The following CREB5 variants were observed in gnomAD, a reference collection of about 807,000 sequenced individuals.
CREB5 encodes the protein cyclic AMP-responsive element-binding protein 5.
In CREB5, 19 loss-of-function variants were observed where a neutral mutation model predicts 57.1. The observed-to-expected ratio is 0.33, with a 90% CI of 0.23 to 0.49. CREB5 has a LOEUF of 0.49. Among genes scored for constraint, CREB5 ranks in the 20% least tolerant of loss-of-function variants. The pLI, the probability that CREB5 is intolerant of heterozygous loss-of-function variation, is 0.99. For missense variants in CREB5, 579 were observed against 671.6 expected, an observed-to-expected ratio of 0.86 and a Z score of 1.52; for synonymous variants, 238 against 238.3, an observed-to-expected ratio of 1.00 and a Z score of 0.01.
chr7:28,325,953 A>G (rs1037853941), intron 1 of CREB5, among the ~76,000 whole-genome samples: 9 of 152,144 alleles, frequency 5.9e-5, no homozygotes, highest in Non-Finnish European at 7.4e-5. Context: ...TTCTTTGAGT[A>G]CTTTATTATA....
chr7:28,552,866 C>T (rs185416344), intron 4 of CREB5, among the ~76,000 whole-genome samples: 24 of 152,342 alleles, frequency 1.6e-4, no homozygotes, highest in African/African-American at 1.4e-4. Context: ...ATGTTTCTTA[C>T]ACATTAGATT....
At position 28,440,474 on chromosome 7, in the gene CREB5, C is replaced by T. The variant is rs141905792; in HGVS notation, c.3+27557C>T. Among the ~76,000 whole-genome samples the T allele has an allele frequency of 2.9e-3, 435 of 152,278 alleles. 3 individuals are homozygous for T. Among genetic ancestry groups the T allele is most frequent in the African/African-American group, 9.8e-3 (406 of 41,556 alleles). On this transcript the variant is annotated intron_variant, in intron 1 of 10. Coordinates refer to ENST00000357727, the MANE Select transcript of CREB5 (RefSeq NM_182898.4). ...GCTGGAAGCCACTGCAGTGGTACCG[C>T]CAGTTGCATGATATATTGCAGCCTT...
At chr7:28,348,864 C>T (rs1171195805) in intron 1 of CREB5, among the ~76,000 whole-genome samples, 1 of 152,194 alleles carries the variant, frequency 6.6e-6, no homozygotes, top group Non-Finnish European at 1.5e-5. Flanking sequence ...TCAGGCCTGG[C>T]TCACCAGGCA....
chr7:28,306,609 G>A (rs527533009), intron 1 of CREB5, among the ~76,000 whole-genome samples: 1 of 122,836 alleles, frequency 8.1e-6, no homozygotes, highest in South Asian at 2.8e-4. Flanking sequence ...CGCCCAGGCT[G>A]GAGTGCAGTG....
intron 1 of CREB5, among the ~76,000 whole-genome samples, chr7:28,316,001 C>A (rs1176542549): frequency 6.6e-6 from 1 of 152,156 alleles, no homozygotes; most frequent in Non-Finnish European, 1.5e-5. Context: ...AGTTTTTCGG[C>A]AAGTGCTGTA....
intron 1 of CREB5, among the ~76,000 whole-genome samples, chr7:28,322,854 A>G (rs1426634301): frequency 6.6e-6 from 1 of 152,162 alleles, no homozygotes; most frequent in African/African-American, 2.4e-5. Flanking sequence ...TGTATCCAAA[A>G]TGAATTTTTA....
At chr7:28,795,647 T>TATCA (rs1807986651) in intron 7 of CREB5, among the ~76,000 whole-genome samples, 1 of 152,244 alleles carries the variant, frequency 6.6e-6, no homozygotes, top group African/African-American at 2.4e-5. Context: ...AAGAGTTCTC[T>TATCA]ATCAGCCCGC....
At chr7:28,384,465 A>G (rs1787038757) in intron 1 of CREB5, among the ~76,000 whole-genome samples, 1 of 152,110 alleles carries the variant, frequency 6.6e-6, no homozygotes, top group African/African-American at 2.4e-5. Context: ...TATGCTTCCA[A>G]TGAGGTTCCC....
intron 5 of CREB5, among the ~76,000 whole-genome samples, chr7:28,702,132 G>C (rs952749916): frequency 6.6e-6 from 1 of 152,128 alleles, no homozygotes; most frequent in South Asian, 2.1e-4. Context: ...TCCTTATAAG[G>C]AATAGCAGTC....
chr7:28,460,452 A>C (rs1228585597), intron 1 of CREB5, among the ~76,000 whole-genome samples: 1 of 152,214 alleles, frequency 6.6e-6, no homozygotes, highest in Non-Finnish European at 1.5e-5. Context: ...ACCCCTGATT[A>C]TATACCTGGT....
At chr7:28,705,367 A>AT (rs1459242172) in intron 5 of CREB5, among the ~76,000 whole-genome samples, 1 of 106,544 alleles carries the variant, frequency 9.4e-6, no homozygotes, top group African/African-American at 3.6e-5. Flanking sequence ...TCTGACTCAA[A>AT]AAAAAAAAAA....
At chr7:28,801,840 T>C (rs1583778178) in intron 7 of CREB5, among the ~76,000 whole-genome samples, 1 of 151,612 alleles carries the variant, frequency 6.6e-6, no homozygotes, top group Non-Finnish European at 1.5e-5. Context: ...TAATCCCAGC[T>C]CTTTGGGAGG....
At chr7:28,329,977 CT>C (rs1427474040) in intron 1 of CREB5, among the ~76,000 whole-genome samples, 4 of 152,180 alleles carry the variant, frequency 2.6e-5, no homozygotes, top group African/African-American at 9.7e-5. Flanking sequence ...TTTGAAACAC[CT>C]TTCCCACCAG....
At chr7:28,817,541 C>G (rs910887969) in intron 9 of CREB5, among the ~76,000 whole-genome samples, 1 of 152,196 alleles carries the variant, frequency 6.6e-6, no homozygotes. Flanking sequence ...TAATTCTGCC[C>G]AATGTGCGCC....
At position 28,696,821 on chromosome 7, in the gene CREB5, C is replaced by T. The variant is rs182732734; in HGVS notation, c.465-21932C>T. On this transcript the variant is annotated intron_variant, in intron 5 of 10. Coordinates refer to ENST00000357727, the MANE Select transcript of CREB5 (RefSeq NM_182898.4). The stretch of plus-strand genomic sequence containing the variant: ...ATACGTATATATACACATACGTATA[C>T]GTATACATACACATACGTATATATA... Among the ~76,000 whole-genome samples, 36 of 150,594 alleles carry T rather than the reference C, an allele frequency of 2.4e-4. 1 individual carries two copies. The highest frequency in any genetic ancestry group is 1.7e-3 in the Admixed American group (26 of 15,190).
intron 1 of CREB5, among the ~76,000 whole-genome samples, chr7:28,487,536 C>A (rs1302673756): frequency 1.3e-5 from 2 of 152,218 alleles, no homozygotes; most frequent in Admixed American, 6.5e-5. Context: ...TTTCTACTTA[C>A]TCCTGCGTAC....
chr7:28,620,127 A>C lies in CREB5; in HGVS notation c.464+49590A>C, dbSNP rs1797738924. 2.0e-5 allele frequency among the ~76,000 whole-genome samples: 3 copies of C among 152,352 alleles called. No individual in the cohort carries two copies. The South Asian group carries it at 6.2e-4, about 32-fold the overall frequency. On this transcript the variant is annotated intron_variant, in intron 5 of 10. Coordinates refer to ENST00000357727, the MANE Select transcript of CREB5 (RefSeq NM_182898.4). ...TACAATTTTAACTGGGGATATATTTAATCTGTATAGATAAGGGAAACAATT... is the reference window on the plus strand; with the variant it reads ...TACAATTTTAACTGGGGATATATTTCATCTGTATAGATAAGGGAAACAATT...
At chr7:28,624,903 C>G (rs1797943849) in intron 5 of CREB5, among the ~76,000 whole-genome samples, 1 of 152,012 alleles carries the variant, frequency 6.6e-6, no homozygotes, top group Non-Finnish European at 1.5e-5. Flanking sequence ...GTTTCCTACA[C>G]TGACGTGCCT....
Position 28,724,354 on chromosome 7 carries a change from C to T in CREB5, c.702+22C>T, listed in dbSNP as rs368176141. ...AATGGTAAGTAACAGTTATAATCAC[C>T]CTTTCATTATTCTGTGACTTTTTCT... On this transcript the variant is annotated intron_variant, in intron 7 of 10. Transcript: ENST00000357727. 4.4e-6 allele frequency: 7 copies of T among 1,577,396 alleles called. No homozygotes were observed. The African/African-American group carries it at 9.4e-5, about 21-fold the overall frequency.
Sources: allele counts gnomAD v4.1 joint callset (sites outside exome capture counted in the v4.1 genomes callset), GRCh38; gene constraint gnomAD v4.1.1; transcripts MANE v1.5; gene names NCBI Gene and HGNC (gene_info 2026-07-23, HGNC 2026-07-21).